Variants in HIVEP1 observed in about 807,000 individuals in gnomAD.
HIVEP1 encodes HIVEP zinc finger 1, also known as zinc finger protein 40.
A neutral mutation model predicts 180.0 loss-of-function variants in HIVEP1; 36 were observed. The observed-to-expected ratio is 0.20, with a 90% confidence interval of 0.15 to 0.26. The LOEUF is 0.26. Among genes scored for constraint, HIVEP1 ranks in the 10% least tolerant of loss-of-function variants. The pLI is 1.00. For synonymous variants in HIVEP1, 1,239 were observed against 1,239.0 expected, an observed-to-expected ratio of 1.00 and a Z score of 0.00; for missense variants, 3,143 against 3,268.7, an observed-to-expected ratio of 0.96 and a Z score of 0.94.
chr6:12,013,104 C>A (rs1767488809), intron 1 of HIVEP1, among the ~76,000 whole-genome samples: 1 of 152,086 alleles, frequency 6.6e-6, no homozygotes, highest in South Asian at 2.1e-4. Context: ...GCGGAGCAGG[C>A]GGCGAGGAGG....
intron 2 of HIVEP1, among the ~76,000 whole-genome samples, chr6:12,068,548 A>G (rs1771752968): frequency 1.3e-5 from 2 of 152,320 alleles, no homozygotes; most frequent in African/African-American, 4.8e-5. Flanking sequence ...AATAAATTGG[A>G]AGTATGGAAT....
At chr6:12,139,872 G>A (rs1758915839) in intron 7 of HIVEP1, among the ~76,000 whole-genome samples, 1 of 152,258 alleles carries the variant, frequency 6.6e-6, no homozygotes, top group African/African-American at 2.4e-5. Flanking sequence ...AGCTCAGCAA[G>A]GCAGACTGCC....
chr6:12,168,291 A>ATATATACAGATATACAGATAT (rs1554161586), downstream of HIVEP1, among the ~76,000 whole-genome samples: 4 of 72,366 alleles, frequency 5.5e-5, no homozygotes, highest in African/African-American at 1.6e-4. Context: ...TATTATATAC[A>ATATATACAGATATACAGATAT]TATATACATA....
At chr6:12,087,060 C>T (rs1460472470) in intron 2 of HIVEP1, among the ~76,000 whole-genome samples, 3 of 152,132 alleles carry the variant, frequency 2.0e-5, no homozygotes, top group South Asian at 2.1e-4. Flanking sequence ...TACCTATTGA[C>T]GTGGAGCTAT....
Position 12,061,073 on chromosome 6 carries a change from C to T in HIVEP1, c.41-28111C>T, listed in dbSNP as rs569117823. ...GGCAGGGAGCTCAGGTGTGCCGCGGCGGCACAGATAATGGGGATGGCCGAC... is the reference window on the plus strand; with the variant it reads ...GGCAGGGAGCTCAGGTGTGCCGCGGTGGCACAGATAATGGGGATGGCCGAC... On this transcript the variant is annotated intron_variant, in intron 2 of 8. Transcript: ENST00000379388. 4.1e-4 allele frequency among the ~76,000 whole-genome samples: 63 copies of T among 152,110 alleles called. 1 individual carries two copies. The highest frequency in any genetic ancestry group is 6.8e-3 in the Middle Eastern group (2 of 294).
At chr6:12,007,869 CTT>C (rs1288950761), upstream of HIVEP1, 4 of 152,024 alleles carry the variant, frequency 2.6e-5, no homozygotes, top group Non-Finnish European at 5.9e-5. Context: ...TTATAAGCCT[CTT>C]ATATCTTTTT....
At chr6:12,016,092 A>C (rs13219383) in intron 2 of HIVEP1, among the ~76,000 whole-genome samples, 59 of 152,194 alleles carry the variant, frequency 3.9e-4, no homozygotes, top group Non-Finnish European at 7.9e-4. Context: ...AGTTAGATTA[A>C]CAAGATAAGA....
chr6:12,122,768 G>A lies in HIVEP1; in HGVS notation c.2973G>A (p.Lys991=). 1 of 1,611,982 alleles carries A rather than the reference G, an allele frequency of 6.2e-7. No individual in the cohort carries two copies. The highest frequency in any genetic ancestry group is 8.5e-7 in the Non-Finnish European group (1 of 1,179,494). ...CTGAGTTACATGGACCAAAAACAAA[G>A]GTAGCCATGAGAGAACCTGAGCACA... The part of the protein sequence containing the change: ...YCSELHGPKT[K]VAMREPEHSP... The change falls in exon 4 of 9, where the codon AAG becomes AAA. Residue 991 remains lysine (K), a synonymous_variant. Transcript: ENST00000379388.
At chr6:12,085,354 A>AG (rs1006116536) in intron 2 of HIVEP1, among the ~76,000 whole-genome samples, 2 of 152,048 alleles carry the variant, frequency 1.3e-5, no homozygotes, top group Non-Finnish European at 2.9e-5. Context: ...GTTAAGTCCT[A>AG]GGGTCTGGTT....
the HIVEP1 span, among the ~76,000 whole-genome samples, chr6:12,204,161 A>G: frequency 6.6e-6 from 1 of 152,108 alleles, no homozygotes; most frequent in Non-Finnish European, 1.5e-5. Flanking sequence ...TGAAGAATGG[A>G]AGCACTCTGA....
the HIVEP1 span, among the ~76,000 whole-genome samples, chr6:12,196,217 A>G: frequency 3.8e-4 from 58 of 152,362 alleles, 1 homozygote; most frequent in Middle Eastern, 0.027. Context: ...ATTTTATACC[A>G]GTTCCTACAC....
At chr6:12,053,191 A>C (rs1224455291) in intron 2 of HIVEP1, among the ~76,000 whole-genome samples, 1 of 152,132 alleles carries the variant, frequency 6.6e-6, no homozygotes, top group Non-Finnish European at 1.5e-5. Flanking sequence ...GACAAGGTAT[A>C]AAATTATTAT....
chr6:12,051,373 C>T (rs1770528291), intron 2 of HIVEP1, among the ~76,000 whole-genome samples: 1 of 151,850 alleles, frequency 6.6e-6, no homozygotes, highest in African/African-American at 2.4e-5. Context: ...TTTTGTTTTA[C>T]AATCACAGAA....
the HIVEP1 span, among the ~76,000 whole-genome samples, chr6:12,171,284 C>T: frequency 3.3e-5 from 5 of 152,052 alleles, no homozygotes; most frequent in Non-Finnish European, 5.9e-5. Context: ...AACTCCTGAC[C>T]GCAAGCAATC....
downstream of HIVEP1, among the ~76,000 whole-genome samples, chr6:12,168,313 T>A (rs10947816): frequency 0.23 from 25,380 of 112,412 alleles, 4,126 homozygotes; most frequent in East Asian, 0.45. Flanking sequence ...ATACATATAT[T>A]ATATACATAT....
intron 7 of HIVEP1, among the ~76,000 whole-genome samples, chr6:12,159,327 T>C (rs529669952): frequency 2.0e-5 from 3 of 152,260 alleles, no homozygotes; most frequent in Non-Finnish European, 4.4e-5. Context: ...CAGTAACTTA[T>C]TCTCCCAGTC....
Position 12,122,038 on chromosome 6 carries a change from T to C in HIVEP1, c.2243T>C (p.Ile748Thr), listed in dbSNP as rs1178074690. 6.2e-7 allele frequency: 1 copy of C among 1,614,048 alleles called. No homozygotes were observed. Among genetic ancestry groups the C allele is most frequent in the African/African-American group, 1.3e-5 (1 of 74,928 alleles). The change falls in exon 4 of 9, where the codon ATA becomes ACA. Residue 748 changes from isoleucine to threonine, a missense_variant. By Grantham distance (89) the Ile-to-Thr change is moderately conservative. Coordinates refer to ENST00000379388, the MANE Select transcript of HIVEP1 (RefSeq NM_002114.4). ...PLATKTLEER[I>T]SKLISDNEAL... ...GCCACAAAAACACTTGAGGAGCGGA[T>C]ATCGAAGCTTATCTCAGACAATGAA...
chr6:12,190,446 A>G, the HIVEP1 span, among the ~76,000 whole-genome samples: 1 of 152,014 alleles, frequency 6.6e-6, no homozygotes, highest in Admixed American at 6.6e-5. Flanking sequence ...TTCCAACTCT[A>G]TTGACCTTCT....
Position 12,161,745 on chromosome 6 carries a change from C to T in HIVEP1, c.6794C>T (p.Ser2265Phe), listed in dbSNP as rs747796103. The T allele has an allele frequency of 1.9e-6, 3 of 1,614,174 alleles. No individual in the cohort carries two copies. The highest frequency in any genetic ancestry group is 2.5e-6 in the Non-Finnish European group (3 of 1,180,028). Residue 2265 changes from serine to phenylalanine, a missense_variant, in exon 8 of 9, where the codon TCT becomes TTT. Physicochemically the swap from Ser to Phe is radical, Grantham distance 155. Coordinates refer to ENST00000379388, the MANE Select transcript of HIVEP1 (RefSeq NM_002114.4). The part of the protein sequence containing the change: ...TRMTVLSTAQ[S>F]DYNRKTLSPG... ...ATGACTGTCCTGAGCACAGCACAGTCTGACTACAATAGGAAGACACTCTCT... is the reference window on the plus strand; with the variant it reads ...ATGACTGTCCTGAGCACAGCACAGTTTGACTACAATAGGAAGACACTCTCT...
Sources: allele counts gnomAD v4.1 joint callset (sites outside exome capture counted in the v4.1 genomes callset), GRCh38; gene constraint gnomAD v4.1.1; transcripts MANE v1.5; gene names NCBI Gene and HGNC (gene_info 2026-07-23, HGNC 2026-07-21).